Variants in STK25 observed in about 807,000 individuals in gnomAD.
STK25 encodes serine/threonine-protein kinase 25.
STK25 carries 29 observed loss-of-function variants against 53.8 expected under a neutral mutation model. The observed-to-expected ratio is 0.54, with a 90% CI of 0.40 to 0.74. The LOEUF (loss-of-function observed/expected upper bound fraction) is 0.74. Ranked by LOEUF, STK25 falls within the 30% of genes least tolerant of loss-of-function variation. The pLI is 0.00. For synonymous variants in STK25, 247 were observed against 238.3 expected (o/e 1.04, Z -0.33); for missense variants, 420 against 568.0 (o/e 0.74, Z 2.65).
intron 8 of STK25, 141 bp downstream of exon 8, chr2:241,498,498 T>G: frequency 7.9e-7 from 1 of 1,271,964 alleles, no homozygotes; most frequent in Non-Finnish European, 1.1e-6. Flanking sequence ...CAGCAGGCCC[T>G]GTCCTGCAGC....
At chr2:241,497,189 C>G (rs372986022) in intron 10 of STK25, 1 of 167,084 alleles carries the variant, frequency 6.0e-6, no homozygotes, top group Admixed American at 6.1e-5. Context: ...CACCTGGGCC[C>G]AAGCCCGCTG....
chr2:241,507,083 G>C (rs777438322), intron 2 of STK25, among the ~76,000 whole-genome samples: 1 of 152,182 alleles, frequency 6.6e-6, no homozygotes, highest in Non-Finnish European at 1.5e-5. Flanking sequence ...CAGCACATAG[G>C]AGTGAACAAG....
At chr2:241,505,646 A>T (rs1490333280) in intron 2 of STK25, among the ~76,000 whole-genome samples, 1 of 152,142 alleles carries the variant, frequency 6.6e-6, no homozygotes, top group Non-Finnish European at 1.5e-5. Flanking sequence ...CTGGGTGGGC[A>T]CTCAGACCTC....
In STK25 at chr2:241,499,386, A is replaced by G. The variant is rs2065369266; in HGVS notation, c.456T>C (p.Gly152=). The change falls in exon 6 of 12, where the codon GGT becomes GGC. Residue 152 remains glycine (G), a synonymous_variant. Coordinates refer to ENST00000316586, the MANE Select transcript of STK25 (RefSeq NM_001271977.2). Reference sequence around the variant, plus strand: ...CCCCAAAGTCCGCCAGCTTCACGTCACCCTGCTCCGAGAGTAGCACGTTGG... The same window carrying G: ...CCCCAAAGTCCGCCAGCTTCACGTCGCCCTGCTCCGAGAGTAGCACGTTGG... ...KAANVLLSEQ[G]DVKLADFGVA... is the part of the protein sequence containing the mutation. 1.2e-6 allele frequency: 2 copies of G among 1,613,514 alleles called. No homozygotes were observed. Among genetic ancestry groups the G allele is most frequent in the Non-Finnish European group, 1.7e-6 (2 of 1,179,892 alleles).
At position 241,493,213 on chromosome 2, in the gene STK25, C is replaced by A; in HGVS notation, c.*2449G>T. On this transcript the variant is annotated 3_prime_UTR_variant, in exon 12 of 12. Transcript: ENST00000316586. ...GCCCGTGGGCATTTGTACGTGCCACCGTTGTGCAGGTAGCAGAGGAATGGG... is the reference window on the plus strand; with the variant it reads ...GCCCGTGGGCATTTGTACGTGCCACAGTTGTGCAGGTAGCAGAGGAATGGG... The A allele has an allele frequency of 3.3e-6, 5 of 1,495,402 alleles. No individual in the cohort carries two copies. In the South Asian group the frequency reaches 5.9e-5, roughly 18 times the overall value. 92.6% of individuals were successfully genotyped at this position (1,495,402 alleles called of 1,614,324 possible).
At position 241,508,097 on chromosome 2, in the gene STK25, G is replaced by C; in HGVS notation, c.-62C>G. Reference sequence around the variant, plus strand: ...GGAGGCGTCTGGATCCCGCGGAGAGGCGCGGAGCCGGCTAGCTCGCCCCTG... The same window carrying C: ...GGAGGCGTCTGGATCCCGCGGAGAGCCGCGGAGCCGGCTAGCTCGCCCCTG... On this transcript the variant is annotated 5_prime_UTR_variant, in exon 2 of 12. Transcript: ENST00000316586. The C allele has an allele frequency of 6.4e-7, 1 of 1,554,662 alleles. No homozygotes were observed.
At position 241,498,169 on chromosome 2, in the gene STK25, C is replaced by T. The variant is rs557932224; in HGVS notation, c.1032+66G>A. 100 of 1,446,918 alleles carry T rather than the reference C, an allele frequency of 6.9e-5. No individual in the cohort carries two copies. The African/African-American group carries it at 1.2e-3, about 18-fold the overall frequency. The allele number at this position is 1,446,918 out of a possible 1,614,324, so 89.6% of individuals were successfully genotyped here. On this transcript the variant is annotated intron_variant, in intron 9 of 11. Coordinates refer to ENST00000316586, the MANE Select transcript of STK25 (RefSeq NM_001271977.2). ...AGACACTGGGTGGACAAAGCTGGGT[C>T]CCGCATCCAGCCCATCCCACGGCCC...
In STK25 at chr2:241,492,894, T is replaced by C. The variant is rs1473282997; in HGVS notation, c.*2768A>G. On this transcript the variant is annotated 3_prime_UTR_variant, in exon 12 of 12. Transcript: ENST00000316586. ...CACTCCCACAAGGGGTCCTGGGTGC[T>C]GGTTAATGCACCTGCATTTTTCCTT... The C allele has an allele frequency of 8.0e-7, 1 of 1,249,554 alleles. No individual in the cohort carries two copies. The highest frequency in any genetic ancestry group is 2.3e-5 in the East Asian group (1 of 43,240). The allele number at this position is 1,249,554 out of a possible 1,614,324, so 77.4% of individuals were successfully genotyped here.
At chr2:241,497,871 C>T (rs1225009953) in intron 9 of STK25, among the ~76,000 whole-genome samples, 184 bp from the exon 10 acceptor site, 2 of 151,978 alleles carry the variant, frequency 1.3e-5, no homozygotes, top group African/African-American at 2.4e-5. Context: ...GGGCGACTCC[C>T]ACCCTCTCCT....
intron 5 of STK25, chr2:241,499,803 G>T (rs1035534848): frequency 4.4e-6 from 2 of 458,306 alleles, no homozygotes; most frequent in Non-Finnish European, 8.1e-6. Flanking sequence ...CGTTGCCAGT[G>T]GCAAGTCCCT....
Position 241,508,560 on chromosome 2 carries a change from G to T in STK25, c.-218C>A. 1.0e-6 allele frequency: 1 copy of T among 992,730 alleles called. No individual in the cohort carries two copies. The highest frequency in any genetic ancestry group is 4.3e-5 in the South Asian group (1 of 23,368). 61.5% of individuals were successfully genotyped at this position (992,730 alleles called of 1,614,324 possible). A position where few individuals can be genotyped will look rare whatever the true frequency, so the allele number is the denominator to read the frequency against. The stretch of plus-strand genomic sequence containing the variant: ...GCCTCCCAGCCCGCGAAGCAACGGT[G>T]GTGGCGGCAGCGACCGGAGAAAGCC... On this transcript the variant is annotated 5_prime_UTR_variant, in exon 1 of 12. Coordinates refer to ENST00000316586, the MANE Select transcript of STK25 (RefSeq NM_001271977.2).
intron 2 of STK25, among the ~76,000 whole-genome samples, chr2:241,506,523 G>T (rs943646711): frequency 1.3e-5 from 2 of 152,128 alleles, no homozygotes; most frequent in East Asian, 3.8e-4. Context: ...ATCCCAGCAC[G>T]TTGGGAGGCC....
chr2:241,508,612 G>C (rs979309205), upstream of STK25: 9 of 986,880 alleles, frequency 9.1e-6, no homozygotes, highest in Admixed American at 4.9e-4. Context: ...GGCGGTGCTC[G>C]GCGTCGCGGC....
Position 241,497,622 on chromosome 2 carries a change from G to A in STK25, c.1098C>T (p.Phe366=), listed in dbSNP as rs377756155. 4.4e-5 allele frequency: 71 copies of A among 1,613,334 alleles called. No individual in the cohort carries two copies. Among genetic ancestry groups the A allele is most frequent in the Non-Finnish European group, 5.6e-5 (66 of 1,179,966 alleles). ...GTCCCAGCCCCATCCTCACCTCTCC[G>A]AAGACGGGCCGGACCAGCGTGGACA... ...QCLSTLVRPV[F]GELKEKHKQS... Residue 366 remains phenylalanine, a synonymous_variant, in exon 10 of 12, where the codon TTC becomes TTT. Transcript: ENST00000316586.
intron 11 of STK25, 102 bp from the exon 12 acceptor site, chr2:241,495,803 C>T (rs922524388): frequency 2.5e-5 from 31 of 1,229,254 alleles, no homozygotes; most frequent in Non-Finnish European, 3.6e-5. Flanking sequence ...TGACAAGCCA[C>T]CGCACCACGT....
chr2:241,500,795 C>A lies in STK25; in HGVS notation c.263G>T (p.Ser88Ile). The A allele has an allele frequency of 2.5e-6, 4 of 1,613,778 alleles. No homozygotes were observed. Among genetic ancestry groups the A allele is most frequent in the Non-Finnish European group, 3.4e-6 (4 of 1,179,852 alleles). ...ITRYFGSYLK[S>I]TKLWIIMEYL... Reference sequence around the variant, plus strand: ...CTCCATGATGATCCATAGCTTGGTGCTCTGGGACCGGAGACAAACCCATCA... The same window carrying A: ...CTCCATGATGATCCATAGCTTGGTGATCTGGGACCGGAGACAAACCCATCA... Residue 88 changes from serine (S) to isoleucine (I), a missense_variant and splice_region_variant, in exon 4 of 12, where the codon AGC becomes ATC. Transcript: ENST00000316586.
intron 2 of STK25, among the ~76,000 whole-genome samples, chr2:241,506,414 C>T (rs541383469): frequency 6.6e-6 from 1 of 152,366 alleles, no homozygotes; most frequent in South Asian, 2.1e-4. Flanking sequence ...AGTTACAGGG[C>T]ACCTCGGAGC....
At position 241,493,932 on chromosome 2, in the gene STK25, C is replaced by A; in HGVS notation, c.*1730G>T. On this transcript the variant is annotated 3_prime_UTR_variant, in exon 12 of 12. Transcript: ENST00000316586. ...AACCCTTCTTTTGTCCTGCTTGTCC[C>A]ATATCCTGGGTTGTTCTTGGGACAG... 2 of 935,934 alleles carry A rather than the reference C, an allele frequency of 2.1e-6. No homozygotes were observed. The highest frequency in any genetic ancestry group is 2.8e-5 in the South Asian group (1 of 35,424). The allele number at this position is 935,934 out of a possible 1,614,324, so 58.0% of individuals were successfully genotyped here.
Position 241,493,093 on chromosome 2 carries a change from C to A in STK25, c.*2569G>T, listed in dbSNP as rs999335521. 2.2e-5 allele frequency: 25 copies of A among 1,138,804 alleles called. No individual in the cohort carries two copies. Among genetic ancestry groups the A allele is most frequent in the African/African-American group, 9.1e-5 (6 of 65,766 alleles). 70.5% of individuals were successfully genotyped at this position (1,138,804 alleles called of 1,614,324 possible). A position where few individuals can be genotyped will look rare whatever the true frequency, so the allele number is the denominator to read the frequency against. ...TGATGCTAGCAGACAGACACTTAAC[C>A]CTGCTCACCTGTGTCCCTTTTGTAT... is the stretch of plus-strand genomic sequence containing the variant. On this transcript the variant is annotated 3_prime_UTR_variant, in exon 12 of 12. Coordinates refer to ENST00000316586, the MANE Select transcript of STK25 (RefSeq NM_001271977.2).
Sources: allele counts gnomAD v4.1 joint callset (sites outside exome capture counted in the v4.1 genomes callset), GRCh38; gene constraint gnomAD v4.1.1; transcripts MANE v1.5; gene names NCBI Gene and HGNC (gene_info 2026-07-23, HGNC 2026-07-21).